PTPRK: variants seen among roughly 807,000 people sequenced by gnomAD.
The protein encoded by PTPRK is protein tyrosine phosphatase receptor type K, also known as receptor-type tyrosine-protein phosphatase kappa.
A neutral mutation model predicts 178.0 loss-of-function variants in PTPRK; 75 were observed. That is an observed-to-expected ratio of 0.42 (90% confidence interval 0.35 to 0.51). The LOEUF (loss-of-function observed/expected upper bound fraction) is 0.51. PTPRK is among the 20% of genes least tolerant of loss of function. The pLI, the probability that PTPRK is intolerant of heterozygous loss-of-function variation, is 0.02. For missense variants in PTPRK, 1,441 were observed against 1,797.8 expected, an observed-to-expected ratio of 0.80 and a Z score of 3.59; for synonymous variants, 637 against 620.6, an observed-to-expected ratio of 1.03 and a Z score of -0.39.
intron 13 of PTPRK, among the ~76,000 whole-genome samples, chr6:128,035,597 A>G (rs371152867): frequency 2.6e-5 from 4 of 151,846 alleles, no homozygotes; most frequent in South Asian, 4.2e-4. Flanking sequence ...TAGGAAACAG[A>G]AAAAAAAATT....
intron 1 of PTPRK, among the ~76,000 whole-genome samples, chr6:128,492,953 G>A (rs1854044056): frequency 6.6e-6 from 1 of 152,058 alleles, no homozygotes; most frequent in East Asian, 1.9e-4. Context: ...CATTTTTGTG[G>A]CAACCCATAC....
At chr6:128,226,179 C>T (rs1417829454) in intron 5 of PTPRK, among the ~76,000 whole-genome samples, 1 of 152,178 alleles carries the variant, frequency 6.6e-6, no homozygotes, top group Non-Finnish European at 1.5e-5. Flanking sequence ...CTCATTACTT[C>T]TCAAATCTCT....
intron 5 of PTPRK, among the ~76,000 whole-genome samples, chr6:128,219,800 C>T (rs1175331412): frequency 3.3e-5 from 5 of 152,160 alleles, no homozygotes; most frequent in Admixed American, 2.0e-4. Flanking sequence ...TGTTTTTCCC[C>T]ACCAGAAGAG....
chr6:128,162,084 G>A (rs906871620), intron 7 of PTPRK, among the ~76,000 whole-genome samples: 1 of 151,454 alleles, frequency 6.6e-6, no homozygotes, highest in Admixed American at 6.6e-5. Flanking sequence ...AAGGAAATGG[G>A]GATGACATTT....
chr6:128,498,818 C>A (rs1404450488), intron 1 of PTPRK, among the ~76,000 whole-genome samples: 1 of 152,182 alleles, frequency 6.6e-6, no homozygotes, highest in Non-Finnish European at 1.5e-5. Context: ...AGGCAGCGGA[C>A]AGCTACTCTG....
intron 7 of PTPRK, among the ~76,000 whole-genome samples, chr6:128,121,410 A>G (rs1792440268): frequency 6.6e-6 from 1 of 152,114 alleles, no homozygotes; most frequent in Non-Finnish European, 1.5e-5. Flanking sequence ...TAAAATGACA[A>G]CACTTGAATG....
intron 8 of PTPRK, among the ~76,000 whole-genome samples, chr6:128,087,237 C>A (rs917218514): frequency 2.6e-5 from 4 of 151,962 alleles, no homozygotes; most frequent in African/African-American, 9.7e-5. Context: ...AAAATACCAT[C>A]AAAATGAATT....
At chr6:128,366,154 G>T (rs934932816) in intron 2 of PTPRK, among the ~76,000 whole-genome samples, 2 of 152,074 alleles carry the variant, frequency 1.3e-5, no homozygotes, top group South Asian at 4.1e-4. Flanking sequence ...AAAATGAAGC[G>T]AGCCTTAGAC....
chr6:128,296,106 T>A (rs1181479818), intron 3 of PTPRK, among the ~76,000 whole-genome samples: 2 of 151,996 alleles, frequency 1.3e-5, no homozygotes, highest in African/African-American at 2.4e-5. Flanking sequence ...CTGACTCAAT[T>A]CCCTCCCTGT....
chr6:128,236,256 C>A (rs1813239111), intron 5 of PTPRK, among the ~76,000 whole-genome samples: 1 of 151,794 alleles, frequency 6.6e-6, no homozygotes, highest in South Asian at 2.1e-4. Flanking sequence ...GCGTTTATAT[C>A]CAGAATACAT....
chr6:128,512,603 A>G (rs1032608102), intron 1 of PTPRK, among the ~76,000 whole-genome samples: 3 of 152,232 alleles, frequency 2.0e-5, no homozygotes, highest in African/African-American at 7.2e-5. Context: ...TAAGAAGGCA[A>G]TTAGGTCTTC....
At chr6:128,128,526 G>T (rs1230394868) in intron 7 of PTPRK, among the ~76,000 whole-genome samples, 1 of 152,174 alleles carries the variant, frequency 6.6e-6, no homozygotes, top group Non-Finnish European at 1.5e-5. Context: ...GGCACATCAT[G>T]ACCAATTCAT....
At chr6:128,123,428 G>A (rs1353736385) in intron 7 of PTPRK, among the ~76,000 whole-genome samples, 1 of 151,956 alleles carries the variant, frequency 6.6e-6, no homozygotes, top group Non-Finnish European at 1.5e-5. Flanking sequence ...TTCTTTTAAA[G>A]GTCAGGCCTG....
chr6:128,464,190 T>C (rs1279628068), intron 1 of PTPRK, among the ~76,000 whole-genome samples: 1 of 151,604 alleles, frequency 6.6e-6, no homozygotes, highest in Non-Finnish European at 1.5e-5. Context: ...CTATAAAAAA[T>C]ACACAAAAAA....
chr6:128,317,980 T>C (rs1345744308), intron 3 of PTPRK, among the ~76,000 whole-genome samples: 2 of 152,160 alleles, frequency 1.3e-5, no homozygotes, highest in South Asian at 2.1e-4. Context: ...AACACTGCTA[T>C]ACAAGATCAT....
intron 1 of PTPRK, among the ~76,000 whole-genome samples, chr6:128,447,608 G>A (rs1027970772): frequency 1.3e-5 from 2 of 151,212 alleles, no homozygotes; most frequent in Non-Finnish European, 2.9e-5. Context: ...ATTTTTGAGT[G>A]TGCAGATTCA....
At chr6:128,189,029 T>C (rs1051322383) in intron 6 of PTPRK, among the ~76,000 whole-genome samples, 5 of 152,094 alleles carry the variant, frequency 3.3e-5, no homozygotes, top group East Asian at 1.9e-4. Context: ...TAGAATCTAT[T>C]TGGGGGGCAT....
intron 2 of PTPRK, among the ~76,000 whole-genome samples, chr6:128,346,924 A>C (rs1306118855): frequency 6.6e-6 from 1 of 152,182 alleles, no homozygotes; most frequent in Admixed American, 6.6e-5. Context: ...ATTAATTTAC[A>C]TGCAACAAAA....
intron 2 of PTPRK, among the ~76,000 whole-genome samples, chr6:128,385,987 C>T (rs1838656189): frequency 1.3e-5 from 2 of 152,084 alleles, no homozygotes; most frequent in Admixed American, 6.6e-5. Context: ...TGCAGTGAAT[C>T]AATTTGGCAT....
Sources: allele counts gnomAD v4.1 joint callset (sites outside exome capture counted in the v4.1 genomes callset), GRCh38; gene constraint gnomAD v4.1.1; transcripts MANE v1.5; gene names NCBI Gene and HGNC (gene_info 2026-07-23, HGNC 2026-07-21).